GFRA1: variants seen among roughly 807,000 people sequenced by gnomAD.
GFRA1 encodes the protein GDNF family receptor alpha-1.
GFRA1 carries 16 observed loss-of-function variants against 51.6 expected under a neutral mutation model. The ratio of observed to expected loss-of-function variants is 0.31; its 90% confidence interval spans 0.21 to 0.47. GFRA1 has a LOEUF of 0.47. GFRA1 is among the 20% of genes least tolerant of loss of function. The probability of loss-of-function intolerance (pLI) is 1.00; values close to 1 mark genes in which losing one functional copy is unlikely to be tolerated. For missense variants in GFRA1, 530 were observed against 594.3 expected (o/e 0.89, Z 1.13); for synonymous variants, 270 against 241.3 (o/e 1.12, Z -1.10).
intron 6 of GFRA1, among the ~76,000 whole-genome samples, chr10:116,123,241 C>T (rs975088325): frequency 6.6e-6 from 1 of 152,202 alleles, no homozygotes; most frequent in Non-Finnish European, 1.5e-5. Context: ...GCTCCTAGCC[C>T]ACAGCTAAGA....
At chr10:116,111,337 G>A (rs1711730249) in intron 6 of GFRA1, among the ~76,000 whole-genome samples, 1 of 152,228 alleles carries the variant, frequency 6.6e-6, no homozygotes, top group Non-Finnish European at 1.5e-5. Context: ...AGCCCAGGCA[G>A]TGACTAGAGA....
intron 9 of GFRA1, among the ~76,000 whole-genome samples, chr10:116,069,951 C>T (rs1242836261): frequency 6.6e-6 from 1 of 152,156 alleles, no homozygotes; most frequent in East Asian, 1.9e-4. Context: ...TGCCCCAGGA[C>T]TCCATTTCTG....
chr10:116,132,035 T>A (rs1958126372), intron 5 of GFRA1, among the ~76,000 whole-genome samples: 1 of 151,734 alleles, frequency 6.6e-6, no homozygotes, highest in South Asian at 2.1e-4. Context: ...AAGGAGGCAC[T>A]GTCGCTACAA....
intron 4 of GFRA1, among the ~76,000 whole-genome samples, chr10:116,244,592 T>A (rs1189331831): frequency 6.6e-6 from 1 of 151,182 alleles, no homozygotes; most frequent in African/African-American, 2.4e-5. Flanking sequence ...AAAAATTCAA[T>A]ATATGGGTTC....
intron 5 of GFRA1, among the ~76,000 whole-genome samples, chr10:116,127,116 G>C (rs1471908472): frequency 6.7e-6 from 1 of 149,228 alleles, no homozygotes; most frequent in Non-Finnish European, 1.5e-5. Flanking sequence ...AAAAAAAAAT[G>C]GGGAGTTGCT....
chr10:116,085,155 C>T (rs992683857), intron 9 of GFRA1, among the ~76,000 whole-genome samples: 1 of 152,148 alleles, frequency 6.6e-6, no homozygotes, highest in Middle Eastern at 3.2e-3. Context: ...TGGATGCGTC[C>T]TATATTCACC....
intron 5 of GFRA1, among the ~76,000 whole-genome samples, chr10:116,139,282 G>T (rs1958464834): frequency 6.6e-6 from 1 of 152,154 alleles, no homozygotes; most frequent in Admixed American, 6.5e-5. Context: ...TGGGGTTGTT[G>T]TGTCCCTGAT....
At chr10:116,145,074 G>C (rs561728360) in intron 5 of GFRA1, among the ~76,000 whole-genome samples, 9 of 146,648 alleles carry the variant, frequency 6.1e-5, no homozygotes, top group Non-Finnish European at 1.2e-4. Context: ...ACTTGAACCC[G>C]GGAGGTGGAG....
Position 116,145,711 on chromosome 10 carries a change from C to G in GFRA1, c.434-20154G>C, listed in dbSNP as rs141990673. 2.8e-4 allele frequency among the ~76,000 whole-genome samples: 43 copies of G among 152,246 alleles called. No homozygotes were observed. In the East Asian group the frequency reaches 5.2e-3, roughly 18 times the overall value. ...CCTGAGCGAAAGAATTTAAAGACAA[C>G]AGCTATAGAGAACTTCTCACACATA... On this transcript the variant is annotated intron_variant, in intron 5 of 10. Coordinates refer to ENST00000355422, the MANE Select transcript of GFRA1 (RefSeq NM_005264.8).
chr10:116,260,236 A>C (rs2134754517), intron 4 of GFRA1, among the ~76,000 whole-genome samples: 1 of 152,314 alleles, frequency 6.6e-6, no homozygotes, highest in Admixed American at 6.5e-5. Flanking sequence ...CAGCTGTGTC[A>C]CACTCGCACA....
intron 4 of GFRA1, among the ~76,000 whole-genome samples, chr10:116,260,689 AT>A (rs1409797081): frequency 1.6e-4 from 24 of 151,426 alleles, no homozygotes; most frequent in African/African-American, 5.8e-4. Flanking sequence ...AAGGTTAACA[AT>A]AGCTGCTTTC....
intron 7 of GFRA1, among the ~76,000 whole-genome samples, chr10:116,095,788 A>G (rs1956545432): frequency 6.6e-6 from 1 of 152,194 alleles, no homozygotes; most frequent in Non-Finnish European, 1.5e-5. Flanking sequence ...CCTGACACAG[A>G]CAGCCGGCAG....
chr10:116,203,293 G>A (rs1964483135), intron 5 of GFRA1, among the ~76,000 whole-genome samples: 1 of 152,184 alleles, frequency 6.6e-6, no homozygotes, highest in Non-Finnish European at 1.5e-5. Context: ...GTGACTTCCA[G>A]CAAGCCAGAC....
intron 5 of GFRA1, among the ~76,000 whole-genome samples, chr10:116,203,410 A>T (rs901734123): frequency 6.6e-6 from 1 of 152,154 alleles, no homozygotes; most frequent in Non-Finnish European, 1.5e-5. Context: ...CTGCAGAAAG[A>T]ATCAGAAAAT....
intron 6 of GFRA1, among the ~76,000 whole-genome samples, chr10:116,113,777 A>G (rs1488889935): frequency 2.0e-5 from 3 of 152,084 alleles, no homozygotes; most frequent in Non-Finnish European, 4.4e-5. Context: ...GGTGATGTGG[A>G]AGTTGTTCAA....
chr10:116,228,766 A>C (rs1966485869), intron 4 of GFRA1, among the ~76,000 whole-genome samples: 1 of 151,882 alleles, frequency 6.6e-6, no homozygotes, highest in South Asian at 2.1e-4. Flanking sequence ...GCAGATCACG[A>C]GGTCAGGAGT....
chr10:116,141,677 G>A (rs990796991), intron 5 of GFRA1, among the ~76,000 whole-genome samples: 5 of 152,064 alleles, frequency 3.3e-5, no homozygotes, highest in South Asian at 2.1e-4. Flanking sequence ...TCCACCTCCC[G>A]GGTTCAAGTG....
intron 5 of GFRA1, among the ~76,000 whole-genome samples, chr10:116,135,626 T>C (rs1958291003): frequency 6.7e-6 from 1 of 150,334 alleles, no homozygotes; most frequent in Admixed American, 6.6e-5. Flanking sequence ...ACAATTATAA[T>C]ATTAGACATA....
intron 5 of GFRA1, among the ~76,000 whole-genome samples, chr10:116,164,239 A>T (rs1430831977): frequency 6.6e-6 from 1 of 152,106 alleles, no homozygotes; most frequent in East Asian, 1.9e-4. Context: ...TTCTGTAAGA[A>T]TTAACTGCAA....
Sources: allele counts gnomAD v4.1 joint callset (sites outside exome capture counted in the v4.1 genomes callset), GRCh38; gene constraint gnomAD v4.1.1; transcripts MANE v1.5; gene names NCBI Gene and HGNC (gene_info 2026-07-23, HGNC 2026-07-21).